CATSPERE: variants seen among roughly 807,000 people sequenced by gnomAD.
The protein encoded by CATSPERE is catsper channel auxiliary subunit epsilon.
CATSPERE carries 93 observed loss-of-function variants against 114.1 expected under a neutral mutation model. The ratio of observed to expected loss-of-function variants is 0.81; its 90% CI spans 0.69 to 0.97. The LOEUF is 0.97. Among genes scored for constraint, CATSPERE ranks in the 50% least tolerant of loss-of-function variants. The pLI, the probability that CATSPERE is intolerant of heterozygous loss-of-function variation, is 0.00. For synonymous variants in CATSPERE, 341 were observed against 384.1 expected, an observed-to-expected ratio of 0.89 and a Z score of 1.31; for missense variants, 1,058 against 1,131.6, an observed-to-expected ratio of 0.93 and a Z score of 0.93.
At chr1:244,593,233 G>A (rs1036167334) in intron 15 of CATSPERE, among the ~76,000 whole-genome samples, 162 bp from the exon 16 acceptor site, 3 of 152,180 alleles carry the variant, frequency 2.0e-5, no homozygotes, top group Non-Finnish European at 4.4e-5. Context: ...TTGTAAGAAC[G>A]TGTTAATATG....
chr1:244,478,150 T>A, intron 4 of CATSPERE, among the ~76,000 whole-genome samples, 175 bp downstream of exon 4: 1 of 152,328 alleles, frequency 6.6e-6, no homozygotes, highest in Middle Eastern at 3.4e-3. Flanking sequence ...AATTTTTAGA[T>A]ATATCTCATG....
intron 10 of CATSPERE, among the ~76,000 whole-genome samples, chr1:244,567,776 G>A (rs552856732): frequency 4.6e-5 from 7 of 151,834 alleles, no homozygotes; most frequent in African/African-American, 9.7e-5. Flanking sequence ...TCCTTGCATT[G>A]GGTTAGAACA....
At chr1:244,537,362 G>A (rs1680540181) in intron 8 of CATSPERE, among the ~76,000 whole-genome samples, 1 of 152,140 alleles carries the variant, frequency 6.6e-6, no homozygotes, top group Non-Finnish European at 1.5e-5. Flanking sequence ...GTGCATACCT[G>A]GAGTAAATCT....
chr1:244,621,103 TA>T (rs1558609398), intron 20 of CATSPERE, among the ~76,000 whole-genome samples: 2 of 24,210 alleles, frequency 8.3e-5, no homozygotes, highest in African/African-American at 2.2e-4. Context: ...AAAATATATA[TA>T]AATATATATA....
rs1669748687 is a variant in CATSPERE at position 244,604,735 on chromosome 1, C to T, written c.2304-960C>T. ...GAAGGAAAACATGTAACCATTCTTACGGTCACAAGTTCTGGTGTGCAAAGG... is the reference window on the plus strand; with the variant it reads ...GAAGGAAAACATGTAACCATTCTTATGGTCACAAGTTCTGGTGTGCAAAGG... On this transcript the variant is annotated intron_variant, in intron 17 of 21. Coordinates refer to ENST00000366534, the MANE Select transcript of CATSPERE (RefSeq NM_001130957.2). Among the ~76,000 whole-genome samples, 4 of 152,206 alleles carry T rather than the reference C, an allele frequency of 2.6e-5. No individual in the cohort carries two copies. The South Asian group carries it at 6.2e-4, about 24-fold the overall frequency.
At chr1:244,567,606 T>G (rs1034446170) in intron 10 of CATSPERE, among the ~76,000 whole-genome samples, 3 of 151,886 alleles carry the variant, frequency 2.0e-5, no homozygotes, top group Non-Finnish European at 4.4e-5. Context: ...ATCTTTAATC[T>G]CTGATATCCT....
chr1:244,639,473 T>A (rs10754843), intron 21 of CATSPERE, among the ~76,000 whole-genome samples: 102,052 of 152,056 alleles, frequency 0.67, 34,437 homozygotes, highest in Middle Eastern at 0.78. Flanking sequence ...GCAAATCACT[T>A]GAGGTCAGGA....
chr1:244,545,709 A>G (rs1261103612), intron 8 of CATSPERE, among the ~76,000 whole-genome samples: 2 of 152,206 alleles, frequency 1.3e-5, no homozygotes, highest in Non-Finnish European at 2.9e-5. Context: ...TCCATCATGA[A>G]CTGTTACTTG....
At chr1:244,577,927 A>G (rs1378720295) in intron 11 of CATSPERE, among the ~76,000 whole-genome samples, 4 of 152,248 alleles carry the variant, frequency 2.6e-5, no homozygotes, top group South Asian at 2.1e-4. Flanking sequence ...TATATGATCT[A>G]TTGCTACCTA....
upstream of CATSPERE, among the ~76,000 whole-genome samples, chr1:244,459,799 A>G (rs1238237070): frequency 1.3e-5 from 2 of 152,232 alleles, no homozygotes; most frequent in Non-Finnish European, 2.9e-5. Flanking sequence ...ACACTGTAGT[A>G]AAACTATAGA....
At position 244,476,636 on chromosome 1, in the gene CATSPERE, T is replaced by C. The variant is rs546708252; in HGVS notation, c.115-905T>C. On this transcript the variant is annotated intron_variant, in intron 2 of 21. Coordinates refer to ENST00000366534, the MANE Select transcript of CATSPERE (RefSeq NM_001130957.2). The stretch of plus-strand genomic sequence containing the variant: ...ACACCAAAGCAATCTTCATATATTA[T>C]GTATGTGTATATAATTTTGTGTCAC... 3.3e-5 allele frequency among the ~76,000 whole-genome samples: 5 copies of C among 152,336 alleles called. No individual in the cohort carries two copies. The South Asian group carries it at 6.2e-4, about 19-fold the overall frequency.
At chr1:244,621,069 TAAA>T (rs1558608845) in intron 20 of CATSPERE, among the ~76,000 whole-genome samples, 18 of 56,640 alleles carry the variant, frequency 3.2e-4, no homozygotes, top group South Asian at 2.4e-3. Context: ...TAAATATATA[TAAA>T]ATATATATAT....
At position 244,575,451 on chromosome 1, in the gene CATSPERE, C is replaced by G. The variant is rs1349082457; in HGVS notation, c.1950+2679C>G. 6.6e-6 allele frequency among the ~76,000 whole-genome samples: 1 copy of G among 152,210 alleles called. No homozygotes were observed. The highest frequency in any genetic ancestry group is 1.5e-5 in the Non-Finnish European group (1 of 68,030). The stretch of plus-strand genomic sequence containing the variant: ...CTCACACTTTCCTGCTCAGCTCTAA[C>G]TTGCAGGCGTCCATGGCCAGCTGTC... On this transcript the variant is annotated intron_variant, in intron 11 of 21. Transcript: ENST00000366534. The surrounding 1 kb of genome is among the most constrained non-coding windows in gnomAD (Gnocchi z 4.5).
intron 21 of CATSPERE, 25 bp from the exon 22 acceptor site, chr1:244,639,903 C>T (rs1002622023): frequency 6.6e-6 from 9 of 1,364,428 alleles, no homozygotes; most frequent in South Asian, 1.4e-5. Context: ...CTTCTAATGC[C>T]TTTTTTTTTT....
intron 13 of CATSPERE, among the ~76,000 whole-genome samples, chr1:244,584,246 C>T (rs1366469092): frequency 6.6e-6 from 1 of 152,000 alleles, no homozygotes; most frequent in African/African-American, 2.4e-5. Flanking sequence ...ATGGGAGTTG[C>T]AAAAATAAAA....
intron 6 of CATSPERE, among the ~76,000 whole-genome samples, chr1:244,491,659 G>A (rs887209579): frequency 6.6e-6 from 1 of 152,100 alleles, no homozygotes; most frequent in African/African-American, 2.4e-5. Flanking sequence ...CCAGGAGCTG[G>A]TTTTTTGAAA....
intron 7 of CATSPERE, among the ~76,000 whole-genome samples, chr1:244,517,607 A>G (rs1676848382): frequency 6.6e-6 from 1 of 151,808 alleles, no homozygotes; most frequent in Admixed American, 6.6e-5. Context: ...CCCTGTCTCT[A>G]CCAAATATAA....
At chr1:244,510,829 C>CTTTTT (rs1675594007) in intron 7 of CATSPERE, among the ~76,000 whole-genome samples, 3 of 86,166 alleles carry the variant, frequency 3.5e-5, no homozygotes, top group Non-Finnish European at 4.8e-5. Context: ...TTTTCTTTTT[C>CTTTTT]TTTTTCTTTT....
chr1:244,493,238 G>A (rs962193663), intron 6 of CATSPERE, among the ~76,000 whole-genome samples: 6 of 152,270 alleles, frequency 3.9e-5, no homozygotes, highest in South Asian at 2.1e-4. Flanking sequence ...CATGGTACTG[G>A]TACCAAAACA....
Sources: allele counts gnomAD v4.1 joint callset (sites outside exome capture counted in the v4.1 genomes callset), GRCh38; gene constraint gnomAD v4.1.1; non-coding constraint Gnocchi (gnomAD v3.1); transcripts MANE v1.5; gene names NCBI Gene and HGNC (gene_info 2026-07-23, HGNC 2026-07-21).